Variants in ADGRV1 observed in about 807,000 individuals in gnomAD.
The protein encoded by ADGRV1 is G-protein coupled receptor 98.
ADGRV1 carries 359 observed loss-of-function variants against 596.2 expected under a neutral mutation model. The ratio of observed to expected loss-of-function variants is 0.60; its 90% CI spans 0.55 to 0.66. The LOEUF is 0.66. Ranked by LOEUF, ADGRV1 falls within the 30% of genes least tolerant of loss-of-function variation. ADGRV1 has a pLI of 0.00. For missense variants in ADGRV1, 7,274 were observed against 7,575.6 expected, an observed-to-expected ratio of 0.96 and a Z score of 1.48; for synonymous variants, 2,681 against 2,679.2, an observed-to-expected ratio of 1.00 and a Z score of -0.02.
intron 83 of ADGRV1, among the ~76,000 whole-genome samples, chr5:90,927,246 C>T (rs962713511): frequency 1.3e-5 from 2 of 150,790 alleles, no homozygotes; most frequent in Non-Finnish European, 2.9e-5. Flanking sequence ...TTAAAGTCTC[C>T]CATTATTAAT....
chr5:90,851,152 A>T (rs1300192649), intron 79 of ADGRV1, among the ~76,000 whole-genome samples: 6 of 135,988 alleles, frequency 4.4e-5, no homozygotes, highest in South Asian at 2.3e-4. Flanking sequence ...AGAGAGAGAG[A>T]GAGAGAGAGA....
intron 17 of ADGRV1, among the ~76,000 whole-genome samples, 182 bp downstream of exon 17, chr5:90,647,946 G>A (rs1259847132): frequency 1.1e-3 from 1 of 938 alleles, no homozygotes; most frequent in Non-Finnish European, 1.4e-3. Context: ...GAACCTTTAT[G>A]TACTTGTTGA....
chr5:90,844,075 T>C (rs977155592), intron 78 of ADGRV1, among the ~76,000 whole-genome samples: 7 of 152,182 alleles, frequency 4.6e-5, no homozygotes, highest in South Asian at 2.1e-4. Flanking sequence ...ATTTGGGACA[T>C]ATTTATACCA....
Position 90,721,028 on chromosome 5 carries a change from G to C in ADGRV1, c.9717G>C (p.Trp3239Cys). 1 of 1,612,368 alleles carries C rather than the reference G, an allele frequency of 6.2e-7. No homozygotes were observed. The highest frequency in any genetic ancestry group is 8.5e-7 in the Non-Finnish European group (1 of 1,178,976). The change falls in exon 45 of 90, where the codon TGG becomes TGC. Residue 3239 changes from tryptophan to cysteine, a missense_variant. By Grantham distance (215) the Trp-to-Cys change is radical. Around this residue, in one of 5 missense-constraint regions of ADGRV1, gnomAD observed 3,643 missense variants for 3,809.2 expected, o/e 0.96. Transcript: ENST00000405460. ...TTGATTTGGCTGTGAGTGTGCAGTGGGAGACAGTATCTGAAACAGCCTTTG... is the reference window on the plus strand; with the variant it reads ...TTGATTTGGCTGTGAGTGTGCAGTGCGAGACAGTATCTGAAACAGCCTTTG... ...NGIDLAVSVQ[W>C]ETVSETAFGM...
rs2149797861 is a variant in ADGRV1 at position 90,725,652 on chromosome 5, C to T, written c.10157C>T (p.Thr3386Ile). ...AGTCAAAGAGATGATTCCGAATTAA[C>T]TCAGGTTTGATTCTTTTAAAATGAA... Reference protein sequence around the residue: ...IASQRDDSELTQVFRWNGGSF... With the variant: ...IASQRDDSELIQVFRWNGGSF... Residue 3386 changes from threonine to isoleucine, a missense_variant, in exon 48 of 90, where the codon ACT becomes ATT. Physicochemically the swap from Thr to Ile is moderately conservative, Grantham distance 89. This residue lies in a region of ADGRV1 where 3,643 missense variants were observed against 3,809.2 expected (regional missense o/e 0.96). Transcript: ENST00000405460. 2.0e-6 allele frequency: 3 copies of T among 1,481,616 alleles called. No homozygotes were observed. The highest frequency in any genetic ancestry group is 1.9e-6 in the Non-Finnish European group (2 of 1,068,778). 91.8% of individuals were successfully genotyped at this position (1,481,616 alleles called of 1,614,324 possible). A position where few individuals can be genotyped will look rare whatever the true frequency, so the allele number is the denominator to read the frequency against.
chr5:90,575,215 A>C (rs940854086), intron 1 of ADGRV1, among the ~76,000 whole-genome samples: 1 of 149,940 alleles, frequency 6.7e-6, no homozygotes, highest in Admixed American at 6.6e-5. Flanking sequence ...CTTTTTTTTT[A>C]CTTTTAAAAA....
rs16868854 is a variant in ADGRV1, at chr5:90,619,204, A to C, written c.453+23A>C. ...ATGGTATGGACACAATTTGATGATAATTGTGGTTGCTAGATAATAGTTTAT... is the reference window on the plus strand; with the variant it reads ...ATGGTATGGACACAATTTGATGATACTTGTGGTTGCTAGATAATAGTTTAT... On this transcript the variant is annotated intron_variant, in intron 4 of 89. Transcript: ENST00000405460. 7.0e-3 allele frequency: 7,418 copies of C among 1,067,128 alleles called. 176 individuals are homozygous for C. The highest frequency in any genetic ancestry group is 0.066 in the African/African-American group (3,984 of 60,562). The allele number at this position is 1,067,128 out of a possible 1,614,324, so 66.1% of individuals were successfully genotyped here.
At chr5:90,823,652 A>C in intron 76 of ADGRV1, 56 bp downstream of exon 76, 1 of 1,466,216 alleles carries the variant, frequency 6.8e-7, no homozygotes, top group Non-Finnish European at 9.4e-7. Flanking sequence ...CTTTAGAATT[A>C]ATCATTTTAA....
intron 1 of ADGRV1, among the ~76,000 whole-genome samples, chr5:90,560,749 C>T (rs917358845): frequency 6.6e-6 from 1 of 152,064 alleles, no homozygotes; most frequent in Non-Finnish European, 1.5e-5. Context: ...CATATTTATG[C>T]TGTATATTTA....
At chr5:90,949,454 C>T (rs1348122816) in intron 83 of ADGRV1, among the ~76,000 whole-genome samples, 1 of 152,116 alleles carries the variant, frequency 6.6e-6, no homozygotes, top group African/African-American at 2.4e-5. Flanking sequence ...TAAAACTATT[C>T]GATCTTGCAA....
chr5:90,610,296 G>A (rs1179062066), intron 1 of ADGRV1, among the ~76,000 whole-genome samples: 9 of 150,732 alleles, frequency 6.0e-5, no homozygotes, highest in Non-Finnish European at 1.0e-4. Context: ...AGGGAAAATA[G>A]GAGTAGGTTT....
At chr5:90,830,508 C>A (rs1298149058) in intron 77 of ADGRV1, among the ~76,000 whole-genome samples, 1 of 152,038 alleles carries the variant, frequency 6.6e-6, no homozygotes, top group Non-Finnish European at 1.5e-5. Flanking sequence ...ACATCTTAAG[C>A]GAGTTTATGT....
intron 31 of ADGRV1, 85 bp from the exon 32 acceptor site, chr5:90,692,520 T>C: frequency 9.9e-7 from 1 of 1,007,276 alleles, no homozygotes; most frequent in Admixed American, 2.7e-5. Context: ...CTTGTATGTA[T>C]ATGTTTGATT....
chr5:91,066,079 T>C (rs1787860032), intron 85 of ADGRV1, among the ~76,000 whole-genome samples: 2 of 152,224 alleles, frequency 1.3e-5, no homozygotes, highest in Admixed American at 1.3e-4. Context: ...CTCCTCACCT[T>C]TTTAAGGAAG....
At chr5:91,042,029 T>C (rs1785404457) in intron 85 of ADGRV1, among the ~76,000 whole-genome samples, 1 of 152,184 alleles carries the variant, frequency 6.6e-6, no homozygotes, top group Non-Finnish European at 1.5e-5. Flanking sequence ...ATTTAACTGT[T>C]TTACAGATGT....
intron 85 of ADGRV1, among the ~76,000 whole-genome samples, chr5:90,990,277 A>G (rs765606069): frequency 6.6e-6 from 1 of 152,184 alleles, no homozygotes; most frequent in African/African-American, 2.4e-5. Flanking sequence ...CCTCTTATAT[A>G]TAGCCTTGGT....
At position 91,030,507 on chromosome 5, in the gene ADGRV1, T is replaced by C. The variant is rs77643144; in HGVS notation, c.18153-41940T>C. Among the ~76,000 whole-genome samples, 926 of 152,238 alleles carry C rather than the reference T, an allele frequency of 6.1e-3. 32 individuals are homozygous for C. In the East Asian group the frequency reaches 0.092, roughly 15 times the overall value. On this transcript the variant is annotated intron_variant, in intron 85 of 89. Transcript: ENST00000405460. ...TGTAGGGTGAATTTTGACTCTAATT[T>C]CTTCAATAATTTTTGGTCTAGCCAT...
intron 76 of ADGRV1, chr5:90,825,790 T>C (rs1393101286): frequency 6.6e-6 from 1 of 152,206 alleles, no homozygotes; most frequent in African/African-American, 2.4e-5. Flanking sequence ...GGATGCTAAC[T>C]GTATATATTT....
chr5:90,932,497 G>A (rs1028723277), intron 83 of ADGRV1, among the ~76,000 whole-genome samples: 4 of 152,048 alleles, frequency 2.6e-5, no homozygotes, highest in African/African-American at 9.7e-5. Flanking sequence ...TGTTTTGGTT[G>A]GTACTTGTTT....
Sources: gnomAD v4.1 joint callset for allele counts (sites outside exome capture counted in the v4.1 genomes callset) on GRCh38, gnomAD v4.1.1 for gene constraint, gnomAD v4.1.1 regional missense constraint, MANE v1.5 for transcripts, NCBI Gene and HGNC (gene_info 2026-07-23, HGNC 2026-07-21) for gene names.